DSCAML1: variants seen among roughly 807,000 people sequenced by gnomAD.
The protein encoded by DSCAML1 is cell adhesion molecule DSCAML1.
Under a neutral mutation model 200.5 loss-of-function variants are expected in DSCAML1, and 38 were observed. That is an observed-to-expected ratio of 0.19 (90% CI 0.15 to 0.25). The LOEUF (loss-of-function observed/expected upper bound fraction) is 0.25. Ranked by LOEUF, DSCAML1 falls within the 10% of genes least tolerant of loss-of-function variation. DSCAML1 has a pLI of 1.00. For missense variants in DSCAML1, 2,223 were observed against 2,858.8 expected, an observed-to-expected ratio of 0.78 and a Z score of 5.07; for synonymous variants, 1,215 against 1,165.0, an observed-to-expected ratio of 1.04 and a Z score of -0.87.
intron 3 of DSCAML1, among the ~76,000 whole-genome samples, chr11:117,675,259 G>T (rs2053187697): frequency 6.6e-6 from 1 of 152,110 alleles, no homozygotes; most frequent in Admixed American, 6.5e-5. Context: ...ACAATACCAT[G>T]GCTCGGAACA....
chr11:117,766,184 C>T (rs984523684), intron 3 of DSCAML1, among the ~76,000 whole-genome samples: 11 of 152,334 alleles, frequency 7.2e-5, no homozygotes, highest in Non-Finnish European at 7.4e-5. Flanking sequence ...ACCGCAGCAC[C>T]GTCTCCACCA....
At chr11:117,721,238 G>T (rs1319208963) in intron 3 of DSCAML1, among the ~76,000 whole-genome samples, 1 of 152,202 alleles carries the variant, frequency 6.6e-6, no homozygotes, top group Admixed American at 6.5e-5. Flanking sequence ...TACTGGCCCA[G>T]TTTTAAACAG....
At chr11:117,720,636 CGGTGTCTAA>C (rs1310267379) in intron 3 of DSCAML1, among the ~76,000 whole-genome samples, 1 of 152,220 alleles carries the variant, frequency 6.6e-6, no homozygotes, top group Non-Finnish European at 1.5e-5. Context: ...GGTACTGGGA[CGGTGTCTAA>C]GTCTTGGACT....
chr11:117,754,388 C>A (rs920032556), intron 3 of DSCAML1, among the ~76,000 whole-genome samples: 4 of 152,320 alleles, frequency 2.6e-5, no homozygotes, highest in African/African-American at 9.6e-5. Context: ...GTCGAAAGTT[C>A]TCCTTGAGAG....
At chr11:117,773,790 T>C (rs1361767519) in intron 3 of DSCAML1, among the ~76,000 whole-genome samples, 1 of 152,122 alleles carries the variant, frequency 6.6e-6, no homozygotes, top group Non-Finnish European at 1.5e-5. Flanking sequence ...TGGAGAAGAC[T>C]GGCCCCGGAT....
chr11:117,690,479 A>C (rs2053476100), intron 3 of DSCAML1, among the ~76,000 whole-genome samples: 1 of 152,244 alleles, frequency 6.6e-6, no homozygotes, highest in South Asian at 2.1e-4. Flanking sequence ...TGGATACAGC[A>C]GTGGCCACTG....
chr11:117,440,078 G>C lies in DSCAML1; in HGVS notation c.3863-142C>G. On this transcript the variant is annotated intron_variant, in intron 21 of 32. Coordinates refer to ENST00000651296, the MANE Select transcript of DSCAML1 (RefSeq NM_020693.4). ...CACCTTGGGCTTTTGGTGAGGGGTA[G>C]GTGTCAGGGAATATTGGCTGGGAGA... 4 of 667,056 alleles carry C rather than the reference G, an allele frequency of 6.0e-6. No individual in the cohort carries two copies. In the Admixed American group the frequency reaches 1.0e-4, roughly 17 times the overall value. 41.3% of individuals were successfully genotyped at this position (667,056 alleles called of 1,614,324 possible).
intron 14 of DSCAML1, among the ~76,000 whole-genome samples, chr11:117,473,384 C>A (rs1237825761): frequency 6.6e-6 from 1 of 152,064 alleles, no homozygotes; most frequent in Non-Finnish European, 1.5e-5. Context: ...GTAGTCCCAG[C>A]TACTTGGGAG....
rs147047635 is a variant in DSCAML1, at chr11:117,493,549, C to T, written c.2359+10296G>A. Among the ~76,000 whole-genome samples the T allele has an allele frequency of 1.4e-3, 206 of 152,044 alleles. 1 individual carries two copies. The highest frequency in any genetic ancestry group is 4.7e-3 in the African/African-American group (196 of 41,464). ...CAGGGTGGTCTCCATCTCCTGACCT[C>T]GTGATCTGCCCACCTTGGCCTCCCA... On this transcript the variant is annotated intron_variant, in intron 11 of 32. Transcript: ENST00000651296.
chr11:117,737,531 G>C (rs1249778940), intron 3 of DSCAML1, among the ~76,000 whole-genome samples: 1 of 152,182 alleles, frequency 6.6e-6, no homozygotes, highest in East Asian at 1.9e-4. Context: ...GGGCAGGCTG[G>C]GGGCCTACAG....
chr11:117,777,526 A>T (rs2055149248), intron 2 of DSCAML1, among the ~76,000 whole-genome samples: 1 of 152,224 alleles, frequency 6.6e-6, no homozygotes. Flanking sequence ...TGAGCTTACA[A>T]GGACAAAGGG....
At chr11:117,639,867 C>A (rs961811907) in intron 3 of DSCAML1, among the ~76,000 whole-genome samples, 1 of 151,506 alleles carries the variant, frequency 6.6e-6, no homozygotes, top group African/African-American at 2.4e-5. Context: ...CACCGCCCAT[C>A]TGTTCTTCCT....
At chr11:117,762,615 C>A (rs1245011697) in intron 3 of DSCAML1, among the ~76,000 whole-genome samples, 3 of 152,166 alleles carry the variant, frequency 2.0e-5, no homozygotes, top group Non-Finnish European at 2.9e-5. Context: ...GTAATCCCAG[C>A]ACTTTGGGAG....
chr11:117,680,339 G>C (rs1339572396), intron 3 of DSCAML1, among the ~76,000 whole-genome samples: 1 of 152,198 alleles, frequency 6.6e-6, no homozygotes, highest in Non-Finnish European at 1.5e-5. Flanking sequence ...CCTCCTGTGG[G>C]TGCAGAGCCC....
chr11:117,603,866 G>A lies in DSCAML1; in HGVS notation c.512-71344C>T, dbSNP rs553188049. ...TCAAATACTATCACTACCACCAGCC[G>A]CTTGAATTCATTGAGCAGCTACCGT... On this transcript the variant is annotated intron_variant, in intron 3 of 32. Coordinates refer to ENST00000651296, the MANE Select transcript of DSCAML1 (RefSeq NM_020693.4). 6.6e-5 allele frequency among the ~76,000 whole-genome samples: 10 copies of A among 152,320 alleles called. No individual in the cohort carries two copies. In the South Asian group the frequency reaches 1.9e-3, roughly 28 times the overall value.
intron 14 of DSCAML1, among the ~76,000 whole-genome samples, chr11:117,479,568 A>C (rs1232382484): frequency 6.6e-6 from 1 of 152,106 alleles, no homozygotes; most frequent in Non-Finnish European, 1.5e-5. Flanking sequence ...CGGGGTGCCC[A>C]TGGCGCCCCA....
intron 3 of DSCAML1, among the ~76,000 whole-genome samples, chr11:117,732,801 C>CATT (rs901815873): frequency 2.0e-5 from 3 of 151,596 alleles, no homozygotes; most frequent in African/African-American, 2.4e-5. Flanking sequence ...TTATTATTAT[C>CATT]ATTATTATTA....
chr11:117,439,726 C>G, intron 22 of DSCAML1, 93 bp downstream of exon 22: 1 of 1,252,146 alleles, frequency 8.0e-7, no homozygotes, highest in Non-Finnish European at 1.2e-6. Flanking sequence ...AACCGGGTCA[C>G]CAGGCAGGAG....
At position 117,687,426 on chromosome 11, in the gene DSCAML1, A is replaced by ATTTTAAATT. The variant is rs552784985; in HGVS notation, c.511+89364_511+89365insAATTTAAAA. Reference sequence around the variant, plus strand: ...CAGGTGTGCTCCACCATGCCTGGCTATTTTTTTTTTTTTTTTTTTTTTAGA... The same window carrying ATTTTAAATT: ...CAGGTGTGCTCCACCATGCCTGGCTATTTTAAATTTTTTTTTTTTTTTTTTTTTTTTAGA... On this transcript the variant is annotated intron_variant, in intron 3 of 32. Coordinates refer to ENST00000651296, the MANE Select transcript of DSCAML1 (RefSeq NM_020693.4). Among the ~76,000 whole-genome samples the ATTTTAAATT allele has an allele frequency of 6.7e-4, 65 of 97,644 alleles. 2 individuals carry two copies. Among genetic ancestry groups the ATTTTAAATT allele is most frequent in the African/African-American group, 1.1e-3 (26 of 24,304 alleles). The allele number at this position is 97,644 out of a possible 152,430, so 64.1% of individuals were successfully genotyped here. A position where few individuals can be genotyped will look rare whatever the true frequency, so the allele number is the denominator to read the frequency against.
Sources: gnomAD v4.1 joint callset for allele counts (sites outside exome capture counted in the v4.1 genomes callset) on GRCh38, gnomAD v4.1.1 for gene constraint, MANE v1.5 for transcripts, NCBI Gene and HGNC (gene_info 2026-07-23, HGNC 2026-07-21) for gene names.